The following GNB4 variants were observed in gnomAD, a reference collection of about 807,000 sequenced individuals.
The protein encoded by GNB4 is guanine nucleotide-binding protein subunit beta-4.
GNB4 carries 28 observed loss-of-function variants against 45.2 expected under a neutral mutation model. That is an observed-to-expected ratio of 0.62 (90% CI 0.46 to 0.85). The LOEUF is 0.85. Among genes scored for constraint, GNB4 ranks in the 40% least tolerant of loss-of-function variants. GNB4 has a pLI of 0.00. For missense variants in GNB4, 321 were observed against 425.4 expected, an observed-to-expected ratio of 0.75 and a Z score of 2.16; for synonymous variants, 132 against 143.7, an observed-to-expected ratio of 0.92 and a Z score of 0.58.
chr3:179,412,911 G>A, intron 8 of GNB4, among the ~76,000 whole-genome samples: 1 of 152,012 alleles, frequency 6.6e-6, no homozygotes, highest in Non-Finnish European at 1.5e-5. Context: ...CAGGAACAGT[G>A]GCTCATGCCT....
At chr3:179,472,321 A>G in the GNB4 span, among the ~76,000 whole-genome samples, 10 of 150,852 alleles carry the variant, frequency 6.6e-5, no homozygotes, top group South Asian at 2.1e-4. Flanking sequence ...TAATTAACAC[A>G]TATTTTTTCT....
the GNB4 span, among the ~76,000 whole-genome samples, chr3:179,475,634 G>A: frequency 6.6e-5 from 10 of 151,142 alleles, no homozygotes; most frequent in Admixed American, 2.6e-4. Context: ...CACCACACCC[G>A]GCTAATTTTT....
the GNB4 span, among the ~76,000 whole-genome samples, chr3:179,476,517 A>G: frequency 6.6e-6 from 1 of 151,840 alleles, no homozygotes; most frequent in Non-Finnish European, 1.5e-5. Context: ...CCATGGATCC[A>G]CTCGGAATTG....
chr3:179,526,220 T>C, the GNB4 span, among the ~76,000 whole-genome samples: 2 of 152,124 alleles, frequency 1.3e-5, no homozygotes, highest in Non-Finnish European at 2.9e-5. Flanking sequence ...CAAGGTAATG[T>C]CATCAGTTAA....
chr3:179,465,818 TTCTTC>T, the GNB4 span, among the ~76,000 whole-genome samples: 98 of 117,728 alleles, frequency 8.3e-4, no homozygotes, highest in African/African-American at 3.1e-3. Context: ...CTTCTTCTTC[TTCTTC>T]TTTTTTTTTT....
rs1367905253 is a variant in GNB4, at chr3:179,398,962, G to A, written c.*2251C>T. On this transcript the variant is annotated 3_prime_UTR_variant, in exon 10 of 10. Coordinates refer to ENST00000232564, the MANE Select transcript of GNB4 (RefSeq NM_021629.4). ...ATGTTAAGACCATAGAATTCCTGTG[G>A]TCTGTATGCCTGTGACTACTATAAT... The A allele has an allele frequency of 6.6e-6, 1 of 152,032 alleles. No individual in the cohort carries two copies. Among genetic ancestry groups the A allele is most frequent in the Admixed American group, 6.6e-5 (1 of 15,256 alleles). 9.4% of individuals were successfully genotyped at this position (152,032 alleles called of 1,614,324 possible). A position where few individuals can be genotyped will look rare whatever the true frequency, so the allele number is the denominator to read the frequency against.
At chr3:179,408,684 C>CAG (rs1196026423) in intron 8 of GNB4, among the ~76,000 whole-genome samples, 4 of 151,762 alleles carry the variant, frequency 2.6e-5, no homozygotes, top group Non-Finnish European at 5.9e-5. Context: ...CCCAGCTACT[C>CAG]AGGAGGCTGA....
intron 4 of GNB4, among the ~76,000 whole-genome samples, chr3:179,418,740 AG>A (rs1714886933): frequency 6.6e-6 from 1 of 152,238 alleles, no homozygotes; most frequent in Non-Finnish European, 1.5e-5. Context: ...ACCAAATCAA[AG>A]GAACAAGTAA....
the GNB4 span, among the ~76,000 whole-genome samples, chr3:179,508,206 C>T: frequency 3.9e-5 from 6 of 152,258 alleles, no homozygotes; most frequent in East Asian, 1.9e-4. Flanking sequence ...AGGCTGGTCT[C>T]GAACTGCTGG....
chr3:179,506,948 G>A, the GNB4 span, among the ~76,000 whole-genome samples: 4 of 152,130 alleles, frequency 2.6e-5, no homozygotes, highest in African/African-American at 9.7e-5. Context: ...TCTCTGTAGT[G>A]TAACTCCACC....
intron 1 of GNB4, among the ~76,000 whole-genome samples, chr3:179,442,301 C>T (rs920421284): frequency 1.3e-5 from 2 of 152,126 alleles, no homozygotes; most frequent in Non-Finnish European, 2.9e-5. Flanking sequence ...TCATTGAACC[C>T]ATTTTTAGTA....
intron 9 of GNB4, among the ~76,000 whole-genome samples, chr3:179,403,679 G>A (rs1714374093): frequency 6.6e-6 from 1 of 151,730 alleles, no homozygotes. Context: ...TGTAATCCCA[G>A]CTAGTCTACT....
chr3:179,522,005 C>T, the GNB4 span, among the ~76,000 whole-genome samples: 3 of 152,044 alleles, frequency 2.0e-5, no homozygotes, highest in Non-Finnish European at 1.5e-5. Context: ...TCCATACCAC[C>T]CCCAAAAATT....
chr3:179,465,291 C>T, the GNB4 span: 1 of 1,482,972 alleles, frequency 6.7e-7, no homozygotes, highest in East Asian at 2.3e-5. Flanking sequence ...GGCCCCATGA[C>T]AGTGGCAATG....
At chr3:179,419,252 T>C in intron 4 of GNB4, 147 bp downstream of exon 4, 1 of 648,282 alleles carries the variant, frequency 1.5e-6, no homozygotes, top group Non-Finnish European at 2.8e-6. Context: ...ATATTCTTAT[T>C]GAAAGCAGCA....
At chr3:179,433,519 C>T (rs1231281669) in intron 1 of GNB4, among the ~76,000 whole-genome samples, 7 of 151,720 alleles carry the variant, frequency 4.6e-5, no homozygotes, top group African/African-American at 1.5e-4. Flanking sequence ...GTGGGGGGAT[C>T]GCTTAAGCAC....
In GNB4 at chr3:179,415,019, C is replaced by CAA. The variant is rs1473880465; in HGVS notation, c.295_296insTT (p.Trp99PhefsTer3). On this transcript the variant is annotated frameshift_variant, in exon 6 of 10. Transcript: ENST00000232564. LOFTEE classifies it high-confidence loss of function. Reference sequence around the variant, plus strand: ...GGGAGCATAAGCACAGGTCATCACCCAGGAGGACCTCAAAGGAATAGCATG... The same window carrying CAA: ...GGGAGCATAAGCACAGGTCATCACCCAAAGGAGGACCTCAAAGGAATAGCATG... 3.7e-6 allele frequency: 6 copies of CAA among 1,606,280 alleles called. No individual in the cohort carries two copies. The highest frequency in any genetic ancestry group is 5.1e-6 in the Non-Finnish European group (6 of 1,174,872).
At chr3:179,487,588 C>T in the GNB4 span, among the ~76,000 whole-genome samples, 61 of 152,148 alleles carry the variant, frequency 4.0e-4, no homozygotes, top group Middle Eastern at 6.8e-3. Flanking sequence ...CAATAAGATA[C>T]GAAATTATAA....
At position 179,436,294 on chromosome 3, in the gene GNB4, G is replaced by A. The variant is rs571059549; in HGVS notation, c.-42-10052C>T. On this transcript the variant is annotated intron_variant, in intron 1 of 9. Coordinates refer to ENST00000232564, the MANE Select transcript of GNB4 (RefSeq NM_021629.4). The stretch of plus-strand genomic sequence containing the variant: ...AATCCCAGCTACTCCAGAGGCTGAG[G>A]CAGGAGAATCGCTTGAATCCAGGAG... Among the ~76,000 whole-genome samples, 3 of 152,286 alleles carry A rather than the reference G, an allele frequency of 2.0e-5. No homozygotes were observed. In the East Asian group the frequency reaches 5.8e-4, roughly 29 times the overall value.
Sources: allele counts gnomAD v4.1 joint callset (sites outside exome capture counted in the v4.1 genomes callset), GRCh38; gene constraint gnomAD v4.1.1; transcripts MANE v1.5; gene names NCBI Gene and HGNC (gene_info 2026-07-23, HGNC 2026-07-21).